NEGR1: variants seen among roughly 807,000 people sequenced by gnomAD.
NEGR1 encodes IgLON family member 4.
Under a neutral mutation model 40.9 loss-of-function variants are expected in NEGR1, and 10 were observed. The ratio of observed to expected loss-of-function variants is 0.24; its 90% confidence interval spans 0.15 to 0.42. The LOEUF is 0.42. Ranked by LOEUF, NEGR1 falls within the 10% of genes least tolerant of loss-of-function variation. The pLI is 1.00. For synonymous variants in NEGR1, 185 were observed against 166.8 expected, an observed-to-expected ratio of 1.11 and a Z score of -0.84; for missense variants, 352 against 438.9, an observed-to-expected ratio of 0.80 and a Z score of 1.77.
In NEGR1 at chr1:72,028,927, T is replaced by C. The variant is rs554075007; in HGVS notation, c.177-93616A>G. Among the ~76,000 whole-genome samples the C allele has an allele frequency of 6.8e-4, 103 of 152,264 alleles. 1 individual carries two copies. Among genetic ancestry groups the C allele is most frequent in the Non-Finnish European group, 8.8e-4 (60 of 68,018 alleles). On this transcript the variant is annotated intron_variant, in intron 1 of 6. Transcript: ENST00000357731. ...GCTTGATGCTCAATATACTGTTTAG[T>C]GAATGAACGACACAAAATACGCAAA... is the stretch of plus-strand genomic sequence containing the variant.
At chr1:71,688,137 T>G (rs1653098689) in intron 4 of NEGR1, among the ~76,000 whole-genome samples, 1 of 150,922 alleles carries the variant, frequency 6.6e-6, no homozygotes, top group South Asian at 2.1e-4. Flanking sequence ...TGCTCTCACT[T>G]TATATTGAAG....
chr1:71,509,041 A>G (rs368248488), intron 6 of NEGR1, among the ~76,000 whole-genome samples: 2 of 152,164 alleles, frequency 1.3e-5, no homozygotes, highest in South Asian at 4.1e-4. Context: ...ATAACCATAA[A>G]AGGATAAAAA....
intron 1 of NEGR1, among the ~76,000 whole-genome samples, chr1:71,967,085 AGT>A (rs1299402506): frequency 6.6e-6 from 1 of 152,136 alleles, no homozygotes; most frequent in Non-Finnish European, 1.5e-5. Context: ...ATGAGCTCTG[AGT>A]GGGTTTGAGG....
intron 1 of NEGR1, among the ~76,000 whole-genome samples, chr1:72,195,481 C>T (rs1652967811): frequency 6.6e-6 from 1 of 151,718 alleles, no homozygotes; most frequent in Admixed American, 6.6e-5. Context: ...TTTCTTATTA[C>T]ATAATGTAAT....
chr1:71,508,939 G>A (rs1647054071), intron 6 of NEGR1, among the ~76,000 whole-genome samples: 1 of 152,080 alleles, frequency 6.6e-6, no homozygotes, highest in Non-Finnish European at 1.5e-5. Flanking sequence ...GACCCCCTAG[G>A]GTGATTTGTT....
At chr1:72,207,272 C>T (rs1268354843) in intron 1 of NEGR1, among the ~76,000 whole-genome samples, 1 of 151,702 alleles carries the variant, frequency 6.6e-6, no homozygotes, top group Admixed American at 6.6e-5. Context: ...TCTTATCTTA[C>T]TTCATAGGAT....
intron 1 of NEGR1, among the ~76,000 whole-genome samples, chr1:72,276,724 A>T (rs1247157829): frequency 6.6e-6 from 1 of 152,186 alleles, no homozygotes; most frequent in Non-Finnish European, 1.5e-5. Flanking sequence ...TTATGGTGCC[A>T]CTGGCAAAGC....
At chr1:71,431,744 C>T (rs1024675327) in intron 6 of NEGR1, among the ~76,000 whole-genome samples, 1 of 152,112 alleles carries the variant, frequency 6.6e-6, no homozygotes, top group African/African-American at 2.4e-5. Flanking sequence ...AGTAGTGATA[C>T]ATTCTAAAAA....
intron 1 of NEGR1, among the ~76,000 whole-genome samples, chr1:72,167,834 C>A (rs756434681): frequency 6.6e-6 from 1 of 151,850 alleles, no homozygotes; most frequent in Admixed American, 6.6e-5. Flanking sequence ...TTGGATCAAT[C>A]GCTTTCTTCA....
chr1:71,690,797 C>G (rs748515307), intron 4 of NEGR1, among the ~76,000 whole-genome samples: 1 of 151,906 alleles, frequency 6.6e-6, no homozygotes, highest in Non-Finnish European at 1.5e-5. Flanking sequence ...AGCTCATAGT[C>G]AAACTCTATT....
At chr1:71,681,488 T>G (rs1652836529) in intron 4 of NEGR1, among the ~76,000 whole-genome samples, 1 of 152,244 alleles carries the variant, frequency 6.6e-6, no homozygotes, top group African/African-American at 2.4e-5. Flanking sequence ...GCTGTTGTTT[T>G]ACAGGTGATC....
rs997524316 is a variant in NEGR1 at position 72,060,462 on chromosome 1, T to C, written c.177-125151A>G. 7.2e-5 allele frequency among the ~76,000 whole-genome samples: 11 copies of C among 151,726 alleles called. No homozygotes were observed. The Admixed American group carries it at 7.3e-4, about 10-fold the overall frequency. ...TCAGATGCAAAACACAATTAGCCTC[T>C]AACCTAACCATGTTAATCTCCTTGA... On this transcript the variant is annotated intron_variant, in intron 1 of 6. Transcript: ENST00000357731.
chr1:71,653,090 T>C (rs1651769757), intron 4 of NEGR1, among the ~76,000 whole-genome samples: 1 of 145,536 alleles, frequency 6.9e-6, no homozygotes, highest in Non-Finnish European at 1.5e-5. Context: ...TGCTTACAAA[T>C]ATTTTGTTTT....
chr1:72,197,814 T>G (rs1406240768), intron 1 of NEGR1, among the ~76,000 whole-genome samples: 1 of 152,064 alleles, frequency 6.6e-6, no homozygotes, highest in Non-Finnish European at 1.5e-5. Context: ...CACTTCTACA[T>G]TTGGTAAGAT....
chr1:72,015,722 G>C (rs775240980), intron 1 of NEGR1, among the ~76,000 whole-genome samples: 4 of 152,082 alleles, frequency 2.6e-5, no homozygotes, highest in Non-Finnish European at 4.4e-5. Flanking sequence ...TTTGCTAGTT[G>C]TTGGGAAAAG....
chr1:72,159,296 C>T (rs1034572443), intron 1 of NEGR1, among the ~76,000 whole-genome samples: 2 of 152,138 alleles, frequency 1.3e-5, no homozygotes, highest in Non-Finnish European at 2.9e-5. Context: ...TTAGTAGAAA[C>T]TGTCACCTGT....
intron 1 of NEGR1, among the ~76,000 whole-genome samples, chr1:72,218,202 A>G (rs1021551944): frequency 1.3e-5 from 2 of 151,902 alleles, no homozygotes; most frequent in African/African-American, 4.8e-5. Flanking sequence ...ATTGTGACAC[A>G]TTTGAGGCTA....
intron 1 of NEGR1, among the ~76,000 whole-genome samples, chr1:72,045,831 AT>A (rs67512225): frequency 0.25 from 38,237 of 151,548 alleles, 5,139 homozygotes; most frequent in East Asian, 0.46. Flanking sequence ...TTAGAAAAAA[AT>A]ATGTAGTTTC....
chr1:71,548,861 G>T (rs1293985050), intron 6 of NEGR1, among the ~76,000 whole-genome samples: 1 of 151,640 alleles, frequency 6.6e-6, no homozygotes, highest in African/African-American at 2.4e-5. Flanking sequence ...TATTATTTGC[G>T]ACTTTGTAGA....
Sources: allele counts gnomAD v4.1 joint callset (sites outside exome capture counted in the v4.1 genomes callset), GRCh38; gene constraint gnomAD v4.1.1; transcripts MANE v1.5; gene names NCBI Gene and HGNC (gene_info 2026-07-23, HGNC 2026-07-21).